Variants in NPAS2 observed in about 807,000 individuals in gnomAD.
NPAS2 encodes neuronal PAS domain protein 2.
Under a neutral mutation model 107.5 loss-of-function variants are expected in NPAS2, and 23 were observed. The observed-to-expected ratio is 0.21, with a 90% CI of 0.15 to 0.30. The LOEUF is 0.30. NPAS2 is among the 10% of genes least tolerant of loss of function. The pLI is 1.00. For missense variants in NPAS2, 756 were observed against 1,043.3 expected (o/e 0.72, Z 3.79); for synonymous variants, 403 against 417.5 (o/e 0.97, Z 0.42).
chr2:100,878,295 C>T, intron 1 of NPAS2: 1 of 985,438 alleles, frequency 1.0e-6, no homozygotes, highest in Non-Finnish European at 1.2e-6. Flanking sequence ...AGGCAAGCAG[C>T]ATTCCCTGAC....
intron 2 of NPAS2, among the ~76,000 whole-genome samples, chr2:100,912,022 A>T (rs1021765223): frequency 6.6e-6 from 1 of 152,162 alleles, no homozygotes; most frequent in East Asian, 1.9e-4. Context: ...TTCACCTTTT[A>T]TGGACAGCAC....
intron 1 of NPAS2, among the ~76,000 whole-genome samples, chr2:100,848,210 G>A (rs1043396336): frequency 1.3e-5 from 2 of 152,204 alleles, no homozygotes; most frequent in African/African-American, 2.4e-5. Flanking sequence ...TTTCGATTTT[G>A]CAAAGACCCT....
chr2:100,857,168 G>A (rs1204813339), intron 1 of NPAS2, among the ~76,000 whole-genome samples: 2 of 151,954 alleles, frequency 1.3e-5, no homozygotes, highest in African/African-American at 4.8e-5. Context: ...TAGCCAGGCG[G>A]GCGCCTATAA....
At chr2:100,913,693 G>A (rs1318935564) in intron 2 of NPAS2, among the ~76,000 whole-genome samples, 1 of 152,126 alleles carries the variant, frequency 6.6e-6, no homozygotes, top group African/African-American at 2.4e-5. Context: ...GCTCACAGAT[G>A]AGGAGTTCCG....
At chr2:100,872,674 A>G (rs918117003) in intron 1 of NPAS2, among the ~76,000 whole-genome samples, 26 of 152,188 alleles carry the variant, frequency 1.7e-4, no homozygotes, top group Admixed American at 1.6e-3. Flanking sequence ...AGAAACATCT[A>G]GAACCTAGTG....
chr2:100,846,077 G>A (rs1174834242), intron 1 of NPAS2, among the ~76,000 whole-genome samples: 1 of 152,024 alleles, frequency 6.6e-6, no homozygotes, highest in African/African-American at 2.4e-5. Flanking sequence ...TGGCCATGTG[G>A]GCCAGCCCTC....
intron 1 of NPAS2, among the ~76,000 whole-genome samples, chr2:100,829,686 G>C (rs945589145): frequency 4.2e-4 from 64 of 152,234 alleles, no homozygotes; most frequent in Middle Eastern, 3.4e-3. Flanking sequence ...AGCACTTCCA[G>C]TACTATGTTG....
At position 100,982,701 on chromosome 2, in the gene NPAS2, A is replaced by C. The variant is rs936145832; in HGVS notation, c.1629+324A>C. The C allele has an allele frequency of 5.3e-5, 18 of 337,904 alleles. 1 individual carries two copies. The highest frequency in any genetic ancestry group is 2.7e-4 in the South Asian group (7 of 25,706). 20.9% of individuals were successfully genotyped at this position (337,904 alleles called of 1,614,324 possible). ...ATGGATGCCTGCCTCGGTCCTGGGTAGTACCTCCCTGCACCTCTATAACTT... is the reference window on the plus strand; with the variant it reads ...ATGGATGCCTGCCTCGGTCCTGGGTCGTACCTCCCTGCACCTCTATAACTT... On this transcript the variant is annotated intron_variant, in intron 16 of 20. Coordinates refer to ENST00000335681, the MANE Select transcript of NPAS2 (RefSeq NM_002518.4).
chr2:100,931,168 A>T (rs356646), intron 3 of NPAS2, among the ~76,000 whole-genome samples: 113,075 of 152,042 alleles, frequency 0.74, 42,852 homozygotes, highest in East Asian at 0.99. Flanking sequence ...CCGACACTGG[A>T]CGTTTCCCCA....
chr2:100,830,141 G>A (rs1194294786), intron 1 of NPAS2, among the ~76,000 whole-genome samples: 1 of 152,120 alleles, frequency 6.6e-6, no homozygotes, highest in Non-Finnish European at 1.5e-5. Context: ...ATCCTAACGC[G>A]AATAGAATTG....
At chr2:100,834,783 G>A (rs377430234) in intron 1 of NPAS2, among the ~76,000 whole-genome samples, 33 of 151,778 alleles carry the variant, frequency 2.2e-4, no homozygotes, top group Admixed American at 1.1e-3. Context: ...CAACTTCCAC[G>A]TCCCAGGTTC....
chr2:100,966,674 A>G (rs1264732112), intron 10 of NPAS2, among the ~76,000 whole-genome samples: 1 of 150,848 alleles, frequency 6.6e-6, no homozygotes, highest in Non-Finnish European at 1.5e-5. Flanking sequence ...GCTCACTGCA[A>G]GCTTCACCTT....
In NPAS2 at chr2:100,841,589, G is replaced by T. The variant is rs572760700; in HGVS notation, c.-23+21175G>T. Among the ~76,000 whole-genome samples the T allele has an allele frequency of 5.3e-5, 8 of 152,306 alleles. No individual in the cohort carries two copies. In the South Asian group the frequency reaches 1.7e-3, roughly 32 times the overall value. On this transcript the variant is annotated intron_variant, in intron 1 of 20. Coordinates refer to ENST00000335681, the MANE Select transcript of NPAS2 (RefSeq NM_002518.4). ...GGGCCTGTGTAAAGTGGCCAGAGGG[G>T]CTGGTGACTAGTTGATGTGACCAGT...
intron 1 of NPAS2, among the ~76,000 whole-genome samples, chr2:100,843,966 A>T (rs954462325): frequency 5.3e-5 from 8 of 152,172 alleles, no homozygotes; most frequent in Admixed American, 4.6e-4. Context: ...GAAATGGAAG[A>T]TTCCAATGAT....
intron 19 of NPAS2, 122 bp from the exon 20 acceptor site, chr2:100,993,225 G>A (rs929647884): frequency 1.1e-5 from 10 of 908,826 alleles, no homozygotes; most frequent in African/African-American, 1.7e-5. Flanking sequence ...GAGCCACCGC[G>A]CCTGGCCAAA....
At chr2:100,954,664 C>CAAAAAAAAAAAAAAAAAA (rs1194534141) in intron 7 of NPAS2, among the ~76,000 whole-genome samples, 22 of 81,328 alleles carry the variant, frequency 2.7e-4, no homozygotes, top group African/African-American at 3.6e-4. Context: ...AACTGTGTCT[C>CAAAAAAAAAAAAAAAAAA]AAAAAAAAAA....
intron 15 of NPAS2, among the ~76,000 whole-genome samples, chr2:100,981,769 G>A (rs114198555): frequency 0.016 from 2,423 of 152,192 alleles, 44 homozygotes; most frequent in Non-Finnish European, 0.02. Context: ...TTAGGATAAC[G>A]ACCGGACCCA....
chr2:100,980,939 C>T (rs956354147), intron 15 of NPAS2, among the ~76,000 whole-genome samples: 6 of 152,122 alleles, frequency 3.9e-5, no homozygotes, highest in South Asian at 4.1e-4. Flanking sequence ...CACCATCTCG[C>T]TGTGTGATTT....
In NPAS2 at chr2:100,844,290, G is replaced by A. The variant is rs544502255; in HGVS notation, c.-23+23876G>A. 6.6e-5 allele frequency among the ~76,000 whole-genome samples: 10 copies of A among 152,290 alleles called. No homozygotes were observed. The South Asian group carries it at 1.7e-3, about 25-fold the overall frequency. On this transcript the variant is annotated intron_variant, in intron 1 of 20. Transcript: ENST00000335681. ...GCTCGGGGCTCAGAAGGACCCTAGG[G>A]ACCCTTACCCAGGATGTTGGGAGAG...
Sources: allele counts gnomAD v4.1 joint callset (sites outside exome capture counted in the v4.1 genomes callset), GRCh38; gene constraint gnomAD v4.1.1; transcripts MANE v1.5; gene names NCBI Gene and HGNC (gene_info 2026-07-23, HGNC 2026-07-21).